The following SH3PXD2A variants were observed in gnomAD, a reference collection of about 807,000 sequenced individuals.
The protein encoded by SH3PXD2A is SH3 and PX domain-containing protein 2A.
In SH3PXD2A, 32 loss-of-function variants were observed where a neutral mutation model predicts 115.2. The ratio of observed to expected loss-of-function variants is 0.28; its 90% CI spans 0.21 to 0.37. The LOEUF (loss-of-function observed/expected upper bound fraction) is 0.37, where lower values mean the gene tolerates loss of function less well. Among genes scored for constraint, SH3PXD2A ranks in the 10% least tolerant of loss-of-function variants. The pLI is 1.00. For synonymous variants in SH3PXD2A, 610 were observed against 629.1 expected (o/e 0.97, Z 0.45); for missense variants, 1,328 against 1,498.7 (o/e 0.89, Z 1.88).
chr10:103,729,608 A>C (rs972069), intron 4 of SH3PXD2A, among the ~76,000 whole-genome samples: 1 of 151,878 alleles, frequency 6.6e-6, no homozygotes, highest in Non-Finnish European at 1.5e-5. Context: ...GGAACTATGC[A>C]GGTCCCTGGA....
intron 6 of SH3PXD2A, among the ~76,000 whole-genome samples, chr10:103,690,613 T>C (rs1287448893): frequency 6.6e-6 from 1 of 152,166 alleles, no homozygotes; most frequent in African/African-American, 2.4e-5. Flanking sequence ...TGGAGAGTAA[T>C]CTGCTTTACT....
At chr10:103,815,197 A>T (rs1353343246) in intron 1 of SH3PXD2A, among the ~76,000 whole-genome samples, 1 of 152,182 alleles carries the variant, frequency 6.6e-6, no homozygotes, top group Non-Finnish European at 1.5e-5. Flanking sequence ...AAAGACAAAT[A>T]AACAAACTGG....
At chr10:103,706,198 G>A (rs879806345) in intron 5 of SH3PXD2A, among the ~76,000 whole-genome samples, 6 of 152,142 alleles carry the variant, frequency 3.9e-5, no homozygotes, top group Admixed American at 2.6e-4. Flanking sequence ...TGTGGTTTCC[G>A]ATGGTGATGG....
intron 4 of SH3PXD2A, among the ~76,000 whole-genome samples, chr10:103,724,719 T>C (rs895787977): frequency 2.0e-5 from 3 of 150,336 alleles, no homozygotes; most frequent in Non-Finnish European, 3.0e-5. Context: ...CCATCAACCA[T>C]CCAGTCAACC....
chr10:103,792,753 A>G (rs1287149431), intron 2 of SH3PXD2A, among the ~76,000 whole-genome samples: 1 of 152,176 alleles, frequency 6.6e-6, no homozygotes, highest in Admixed American at 6.6e-5. Flanking sequence ...GTCATGACAC[A>G]AGAACCCCCA....
intron 1 of SH3PXD2A, among the ~76,000 whole-genome samples, chr10:103,847,120 A>G (rs1842854661): frequency 6.6e-6 from 1 of 152,206 alleles, no homozygotes; most frequent in Non-Finnish European, 1.5e-5. Flanking sequence ...GAGGTCAAAT[A>G]AATGAAGAGG....
intron 1 of SH3PXD2A, among the ~76,000 whole-genome samples, chr10:103,808,418 A>T (rs2039230165): frequency 6.6e-6 from 1 of 151,954 alleles, no homozygotes; most frequent in African/African-American, 2.4e-5. Context: ...CACCTGGCTA[A>T]TTTTTGTATT....
chr10:103,791,046 C>G (rs534931267), intron 2 of SH3PXD2A, among the ~76,000 whole-genome samples: 1 of 152,232 alleles, frequency 6.6e-6, no homozygotes, highest in African/African-American at 2.4e-5. Flanking sequence ...GTGATGCCCC[C>G]AAGGCTCCTA....
At chr10:103,819,064 A>G (rs535729347) in intron 1 of SH3PXD2A, among the ~76,000 whole-genome samples, 1 of 152,318 alleles carries the variant, frequency 6.6e-6, no homozygotes, top group Admixed American at 6.5e-5. Context: ...ATCCTCAGTA[A>G]AGCCATGTTA....
In SH3PXD2A at chr10:103,855,306, C is replaced by T. The variant is rs909028235; in HGVS notation, c.-40G>A. On this transcript the variant is annotated 5_prime_UTR_variant, in exon 1 of 15. Coordinates refer to ENST00000369774, the MANE Select transcript of SH3PXD2A (RefSeq NM_001394015.1). ...CGAGTGGCGCCCCCGGCGGCGTCAC[C>T]TTCTCATCCCGGCCGGGCTCCGGCT... The T allele has an allele frequency of 2.0e-6, 3 of 1,470,400 alleles. No homozygotes were observed. The highest frequency in any genetic ancestry group is 2.2e-5 in the Admixed American group (1 of 44,700). 91.1% of individuals were successfully genotyped at this position (1,470,400 alleles called of 1,614,324 possible).
At chr10:103,771,506 C>A (rs1040690327) in intron 2 of SH3PXD2A, among the ~76,000 whole-genome samples, 3 of 152,096 alleles carry the variant, frequency 2.0e-5, no homozygotes, top group African/African-American at 7.2e-5. Context: ...AATCCCAGCA[C>A]TTTGGGAGGA....
At chr10:103,686,445 C>T (rs1371764524) in intron 6 of SH3PXD2A, among the ~76,000 whole-genome samples, 2 of 152,230 alleles carry the variant, frequency 1.3e-5, no homozygotes, top group African/African-American at 2.4e-5. Flanking sequence ...CTTTGCAGGT[C>T]TCAAGAGAAC....
chr10:103,741,732 C>T (rs557724314), intron 3 of SH3PXD2A, among the ~76,000 whole-genome samples: 11 of 152,326 alleles, frequency 7.2e-5, no homozygotes, highest in African/African-American at 1.9e-4. Context: ...GCAAAGGCCT[C>T]GTGCTCCAAG....
chr10:103,807,025 T>C (rs528877567), intron 1 of SH3PXD2A, among the ~76,000 whole-genome samples: 4 of 152,354 alleles, frequency 2.6e-5, no homozygotes, highest in African/African-American at 7.2e-5. Context: ...CCCACCAATG[T>C]CTGAGGTTTC....
intron 2 of SH3PXD2A, among the ~76,000 whole-genome samples, chr10:103,783,450 G>C (rs1207657127): frequency 3.0e-4 from 19 of 63,790 alleles, no homozygotes. Flanking sequence ...GGCTGTCTCT[G>C]GGGGGCAGAG....
intron 8 of SH3PXD2A, among the ~76,000 whole-genome samples, chr10:103,640,417 C>G (rs748226326): frequency 3.3e-5 from 5 of 152,042 alleles, no homozygotes; most frequent in Non-Finnish European, 4.4e-5. Context: ...GCTCAGCATT[C>G]GCTCTCAGAA....
In SH3PXD2A at chr10:103,756,031, G is replaced by A. The variant is rs2038636753; in HGVS notation, c.229+11063C>T. Reference sequence around the variant, plus strand: ...CTTTTGAAGGTACATTCAGATGAACGGGCTCCATCTTCAGGCCATGCCAGT... The same window carrying A: ...CTTTTGAAGGTACATTCAGATGAACAGGCTCCATCTTCAGGCCATGCCAGT... On this transcript the variant is annotated intron_variant, in intron 3 of 14. Transcript: ENST00000369774. This position sits in a 1 kb window ranked among gnomAD's most constrained non-coding sequence, Gnocchi z 4.4. Among the ~76,000 whole-genome samples the A allele has an allele frequency of 6.6e-6, 1 of 152,152 alleles. No homozygotes were observed. The highest frequency in any genetic ancestry group is 2.4e-5 in the African/African-American group (1 of 41,432).
chr10:103,837,001 T>A (rs577246000), intron 1 of SH3PXD2A, among the ~76,000 whole-genome samples: 18 of 152,130 alleles, frequency 1.2e-4, no homozygotes, highest in Non-Finnish European at 2.6e-4. Flanking sequence ...ATATTAGATT[T>A]CTATTATCCC....
At chr10:103,704,440 G>C (rs11191776) in intron 5 of SH3PXD2A, among the ~76,000 whole-genome samples, 1 of 152,082 alleles carries the variant, frequency 6.6e-6, no homozygotes, top group Admixed American at 6.5e-5. Context: ...AGCACTGGGG[G>C]TGGCAGAGCT....
Sources: allele counts gnomAD v4.1 joint callset (sites outside exome capture counted in the v4.1 genomes callset), GRCh38; gene constraint gnomAD v4.1.1; non-coding constraint Gnocchi (gnomAD v3.1); transcripts MANE v1.5; gene names NCBI Gene and HGNC (gene_info 2026-07-23, HGNC 2026-07-21).